Variants in CATSPERT observed in about 807,000 individuals in gnomAD.
CATSPERT encodes the protein cation channel sperm-associated targeting subunit tau.
At chr2:201,574,159 T>G in the CATSPERT span, 1 of 1,342,866 alleles carries the variant, frequency 7.4e-7, no homozygotes, top group Non-Finnish European at 1.0e-6. Context: ...AAGAGGACGA[T>G]TTGACTGAAG....
the CATSPERT span, among the ~76,000 whole-genome samples, chr2:201,584,292 T>G: frequency 6.6e-6 from 1 of 151,132 alleles, no homozygotes; most frequent in African/African-American, 2.4e-5. Context: ...CCTGTCTCAA[T>G]AAAACTAATA....
the CATSPERT span, chr2:201,601,751 ATACTT>A: frequency 1.2e-6 from 2 of 1,611,418 alleles, no homozygotes; most frequent in Admixed American, 1.7e-5. Flanking sequence ...GTACAGAAAA[ATACTT>A]CACTTCATCG....
chr2:201,531,022 G>A, the CATSPERT span, among the ~76,000 whole-genome samples: 1 of 138,900 alleles, frequency 7.2e-6, no homozygotes, highest in Non-Finnish European at 1.5e-5. Context: ...GTGCAGTGGC[G>A]CGATCTCAGC....
the CATSPERT span, among the ~76,000 whole-genome samples, chr2:201,593,654 G>A: frequency 6.7e-6 from 1 of 150,068 alleles, no homozygotes; most frequent in East Asian, 1.9e-4. Context: ...TTATGAAACT[G>A]GGTGCTCTTG....
the CATSPERT span, among the ~76,000 whole-genome samples, chr2:201,552,022 G>A: frequency 6.7e-6 from 1 of 150,058 alleles, no homozygotes; most frequent in African/African-American, 2.5e-5. Context: ...ACACAGTCTA[G>A]TTCTGTTGCC....
At chr2:201,514,282 C>T in the CATSPERT span, among the ~76,000 whole-genome samples, 2 of 152,044 alleles carry the variant, frequency 1.3e-5, no homozygotes, top group Non-Finnish European at 2.9e-5. Flanking sequence ...GTGTGAAAAA[C>T]TTCTCATAAA....
chr2:201,584,925 G>A, the CATSPERT span, among the ~76,000 whole-genome samples: 13 of 151,794 alleles, frequency 8.6e-5, no homozygotes, highest in South Asian at 2.1e-4. Flanking sequence ...AGTGAAATTA[G>A]AAGAAAAAAA....
chr2:201,582,815 C>T, the CATSPERT span, among the ~76,000 whole-genome samples: 1 of 152,040 alleles, frequency 6.6e-6, no homozygotes, highest in South Asian at 2.1e-4. Flanking sequence ...AGTCATGCCT[C>T]CCCACTCCTA....
the CATSPERT span, among the ~76,000 whole-genome samples, chr2:201,567,772 G>GA: frequency 6.6e-6 from 1 of 152,212 alleles, no homozygotes; most frequent in African/African-American, 2.4e-5. Context: ...GTTTAAAAGT[G>GA]AATCTCATCA....
the CATSPERT span, among the ~76,000 whole-genome samples, chr2:201,605,707 C>T: frequency 6.6e-6 from 1 of 152,082 alleles, no homozygotes; most frequent in Non-Finnish European, 1.5e-5. Context: ...AATTCTTCCT[C>T]CCAAATAACC....
the CATSPERT span, among the ~76,000 whole-genome samples, chr2:201,602,482 G>A: frequency 1.4e-4 from 21 of 152,130 alleles, no homozygotes; most frequent in East Asian, 1.3e-3. Flanking sequence ...TTTATGCTGT[G>A]ATAAATCTAA....
the CATSPERT span, chr2:201,534,552 A>C: frequency 1.0e-6 from 1 of 985,370 alleles, no homozygotes; most frequent in Non-Finnish European, 1.2e-6. Context: ...TCTTCAAACA[A>C]AAAAATGGAC....
the CATSPERT span, chr2:201,491,102 TACAC>T: frequency 7.6e-7 from 1 of 1,317,108 alleles, no homozygotes; most frequent in Non-Finnish European, 1.0e-6. Flanking sequence ...TGCAGATATA[TACAC>T]CCTAAATTAT....
the CATSPERT span, among the ~76,000 whole-genome samples, chr2:201,591,297 A>G: frequency 6.6e-6 from 1 of 151,984 alleles, no homozygotes; most frequent in Non-Finnish European, 1.5e-5. Context: ...ATAGTTGTAG[A>G]TATGTGGCGT....
At chr2:201,493,978 T>C in the CATSPERT span, 1 of 1,536,768 alleles carries the variant, frequency 6.5e-7, no homozygotes, top group African/African-American at 1.4e-5. Flanking sequence ...TGAAAGTGAA[T>C]ATTCAGGAAT....
chr2:201,579,730 T>C, the CATSPERT span, among the ~76,000 whole-genome samples: 7 of 152,134 alleles, frequency 4.6e-5, no homozygotes, highest in African/African-American at 2.4e-5. Context: ...CACTGGTATG[T>C]CCCATTTCTG....
At chr2:201,601,909 A>G in the CATSPERT span, 5 of 1,537,804 alleles carry the variant, frequency 3.3e-6, no homozygotes, top group Non-Finnish European at 4.4e-6. Context: ...ATATTCAGGA[A>G]ATAAATTTTG....
the CATSPERT span, chr2:201,493,061 C>G: frequency 2.0e-6 from 3 of 1,535,884 alleles, no homozygotes; most frequent in Non-Finnish European, 2.6e-6. Context: ...CTTTCTAATT[C>G]TTTTTCTGGT....
the CATSPERT span, chr2:201,487,751 A>G: frequency 6.2e-7 from 1 of 1,614,022 alleles, no homozygotes; most frequent in Non-Finnish European, 8.5e-7. Flanking sequence ...TTGCTTGTTA[A>G]CCTCCGGAGC....
Sources: gnomAD v4.1 joint callset for allele counts (sites outside exome capture counted in the v4.1 genomes callset) on GRCh38, gnomAD v4.1.1 for gene constraint, MANE v1.5 for transcripts, NCBI Gene and HGNC (gene_info 2026-07-23, HGNC 2026-07-21) for gene names.